FUCA1: variants seen among roughly 807,000 people sequenced by gnomAD.
FUCA1 encodes the protein tissue alpha-L-fucosidase.
In FUCA1, 52 loss-of-function variants were observed where a neutral mutation model predicts 56.8. The observed-to-expected ratio is 0.92, with a 90% CI of 0.73 to 1.15. FUCA1 has a LOEUF of 1.15. FUCA1 is among the 50% of genes most tolerant of loss of function. The probability of loss-of-function intolerance (pLI) is 0.00; values close to 1 mark genes in which losing one functional copy is unlikely to be tolerated. For missense variants in FUCA1, 568 were observed against 592.6 expected, an observed-to-expected ratio of 0.96 and a Z score of 0.43; for synonymous variants, 230 against 226.6, an observed-to-expected ratio of 1.02 and a Z score of -0.14.
At chr1:23,856,106 C>T (rs979697882) in intron 4 of FUCA1, among the ~76,000 whole-genome samples, 1 of 152,170 alleles carries the variant, frequency 6.6e-6, no homozygotes, top group Non-Finnish European at 1.5e-5. Flanking sequence ...GTAACTTTAC[C>T]TTTTAAGTTA....
In FUCA1 at chr1:23,863,134, C is replaced by T; in HGVS notation, c.662G>A (p.Ser221Asn). The T allele has an allele frequency of 6.2e-7, 1 of 1,613,764 alleles. No homozygotes were observed. Among genetic ancestry groups the T allele is most frequent in the Non-Finnish European group, 8.5e-7 (1 of 1,179,958 alleles). The change falls in exon 3 of 8, where the codon AGC becomes AAC. Residue 221 changes from serine (S) to asparagine (N), a missense_variant and splice_region_variant. Coordinates refer to ENST00000374479, the MANE Select transcript of FUCA1 (RefSeq NM_000147.5). The part of the protein sequence containing the change: ...TMPELYDLVN[S>N]YKPDLIWSDG... Reference sequence around the variant, plus strand: ...GGGCCAAAATATTTCAGTGTCTTACCTGTTAACAAGGTCGTACAGCTCTGG... The same window carrying T: ...GGGCCAAAATATTTCAGTGTCTTACTTGTTAACAAGGTCGTACAGCTCTGG...
At chr1:23,862,458 C>T (rs956793009) in intron 3 of FUCA1, among the ~76,000 whole-genome samples, 1 of 152,192 alleles carries the variant, frequency 6.6e-6, no homozygotes, top group Non-Finnish European at 1.5e-5. Context: ...TAAGCCACTG[C>T]GCCTGGCTAA....
intron 2 of FUCA1, among the ~76,000 whole-genome samples, chr1:23,864,789 C>T (rs1320467487): frequency 6.6e-6 from 1 of 151,748 alleles, no homozygotes; most frequent in East Asian, 1.9e-4. Context: ...ACTGCAACCT[C>T]CGCCTCCTGG....
At chr1:23,848,961 TTTAA>T (rs1639201933) in intron 5 of FUCA1, 122 bp from the exon 6 acceptor site, 1 of 864,886 alleles carries the variant, frequency 1.2e-6, no homozygotes, top group Non-Finnish European at 1.8e-6. Context: ...CCTCTGCTGT[TTTAA>T]TTTTTTTTTT....
rs1423083143 is a variant in FUCA1, at chr1:23,867,363, G to C, written c.389+535C>G. On this transcript the variant is annotated intron_variant, in intron 1 of 7. Coordinates refer to ENST00000374479, the MANE Select transcript of FUCA1 (RefSeq NM_000147.5). This position sits in a 1 kb window ranked among gnomAD's most constrained non-coding sequence, Gnocchi z 4.9. ...GGACACTTCCTACGTAAAAGGGATT[G>C]AGAGGAGCAAACGAATGACTATCTG... Among the ~76,000 whole-genome samples, 1 of 152,186 alleles carries C rather than the reference G, an allele frequency of 6.6e-6. No homozygotes were observed. The highest frequency in any genetic ancestry group is 1.5e-5 in the Non-Finnish European group (1 of 68,034).
At chr1:23,863,827 A>C (rs1263489099) in intron 2 of FUCA1, among the ~76,000 whole-genome samples, 1 of 152,164 alleles carries the variant, frequency 6.6e-6, no homozygotes, top group African/African-American at 2.4e-5. Flanking sequence ...AGTCTAGCAA[A>C]GGCGACAGAG....
At chr1:23,853,096 G>A (rs1489892129) in intron 5 of FUCA1, among the ~76,000 whole-genome samples, 7 of 128,688 alleles carry the variant, frequency 5.4e-5, no homozygotes, top group African/African-American at 1.2e-4. Context: ...GCCGCCCATC[G>A]TCTGAGATGT....
In FUCA1 at chr1:23,859,888, C is replaced by G; in HGVS notation, c.678G>C (p.Leu226=). Residue 226 remains leucine (L), a synonymous_variant, in exon 4 of 8, where the codon CTG becomes CTC. Transcript: ENST00000374479. ...ATTCCCACTCCCCATCAGACCAGAT[C>G]AGATCAGGTTTATAGCTGGAAGACA... ...YDLVNSYKPD[L]IWSDGEWECP... 6.2e-7 allele frequency: 1 copy of G among 1,610,336 alleles called. No individual in the cohort carries two copies. Among genetic ancestry groups the G allele is most frequent in the South Asian group, 1.1e-5 (1 of 90,990 alleles).
intron 5 of FUCA1, among the ~76,000 whole-genome samples, chr1:23,850,800 T>C (rs868541608): frequency 6.6e-6 from 1 of 152,130 alleles, no homozygotes; most frequent in Admixed American, 6.6e-5. Flanking sequence ...ATTTTTATTT[T>C]TTAAAATAGA....
intron 3 of FUCA1, among the ~76,000 whole-genome samples, chr1:23,862,316 C>A (rs1639526314): frequency 6.6e-6 from 1 of 152,194 alleles, no homozygotes; most frequent in Non-Finnish European, 1.5e-5. Flanking sequence ...CAGGTATGCA[C>A]CAGCATGCCT....
rs985260589 is a variant in FUCA1, at chr1:23,865,421, T to A, written c.524+70A>T. 5.6e-6 allele frequency: 9 copies of A among 1,597,472 alleles called. No homozygotes were observed. In the East Asian group the frequency reaches 2.0e-4, roughly 36 times the overall value. On this transcript the variant is annotated intron_variant, in intron 2 of 7. Transcript: ENST00000374479. ...TGCAAACCTAGAAAACACACGCAAG[T>A]AGAGGAGGTACAGAACTCTTGACAG...
At chr1:23,864,040 T>C (rs1361384602) in intron 2 of FUCA1, among the ~76,000 whole-genome samples, 1 of 152,032 alleles carries the variant, frequency 6.6e-6, no homozygotes, top group African/African-American at 2.4e-5. Context: ...TATAGGTTTA[T>C]CGTTTTATTT....
intron 6 of FUCA1, among the ~76,000 whole-genome samples, chr1:23,847,944 C>A (rs571411505): frequency 6.6e-6 from 1 of 152,094 alleles, no homozygotes; most frequent in African/African-American, 2.4e-5. Context: ...ATTGCTTGAA[C>A]CTTGGAGGCA....
rs1403594722 is a variant in FUCA1, at chr1:23,867,779, C to G, written c.389+119G>C. 7.0e-6 allele frequency: 10 copies of G among 1,429,070 alleles called. No individual in the cohort carries two copies. The highest frequency in any genetic ancestry group is 3.6e-6 in the Non-Finnish European group (4 of 1,100,876). The allele number at this position is 1,429,070 out of a possible 1,614,324, so 88.5% of individuals were successfully genotyped here. ...ACTCCTGTGGCCGCAGGAGGCCACA[C>G]GCGGGCCCCGGGGTCATGGGGGCGA... On this transcript the variant is annotated intron_variant, in intron 1 of 7. Coordinates refer to ENST00000374479, the MANE Select transcript of FUCA1 (RefSeq NM_000147.5). The surrounding 1 kb of genome is among the most constrained non-coding windows in gnomAD (Gnocchi z 4.9).
At chr1:23,857,684 T>C (rs1570682716) in intron 4 of FUCA1, among the ~76,000 whole-genome samples, 1 of 146,898 alleles carries the variant, frequency 6.8e-6, no homozygotes, top group African/African-American at 2.5e-5. Flanking sequence ...TTCTTTTTTT[T>C]TGAGACAGAG....
At chr1:23,862,191 C>T (rs1269835524) in intron 3 of FUCA1, among the ~76,000 whole-genome samples, 1 of 152,138 alleles carries the variant, frequency 6.6e-6, no homozygotes, top group Non-Finnish European at 1.5e-5. Context: ...TTTCTTGAGA[C>T]AAAGTTTTCC....
In FUCA1 at chr1:23,867,071, C is replaced by T. The variant is rs189479129; in HGVS notation, c.389+827G>A. ...TGCTCTAAGCCAGGGGCTGGGGAAACCTCCCCGCCTCCATTTTTACTCTTC... is the reference window on the plus strand; with the variant it reads ...TGCTCTAAGCCAGGGGCTGGGGAAATCTCCCCGCCTCCATTTTTACTCTTC... On this transcript the variant is annotated intron_variant, in intron 1 of 7. Transcript: ENST00000374479. This position sits in a 1 kb window ranked among gnomAD's most constrained non-coding sequence, Gnocchi z 4.9. Among the ~76,000 whole-genome samples, 38 of 152,226 alleles carry T rather than the reference C, an allele frequency of 2.5e-4. No homozygotes were observed. Among genetic ancestry groups the T allele is most frequent in the Admixed American group, 8.5e-4 (13 of 15,292 alleles).
At chr1:23,853,463 C>T (rs1432471621) in intron 5 of FUCA1, among the ~76,000 whole-genome samples, 1 of 150,950 alleles carries the variant, frequency 6.6e-6, no homozygotes, top group Admixed American at 6.6e-5. Flanking sequence ...CCCCGCCCAG[C>T]CAGCCGCCCG....
Position 23,868,018 on chromosome 1 carries a change from T to C in FUCA1, c.269A>G (p.Gln90Arg). 6.2e-7 allele frequency: 1 copy of C among 1,608,300 alleles called. No individual in the cohort carries two copies. The highest frequency in any genetic ancestry group is 1.1e-5 in the South Asian group (1 of 90,438). Residue 90 changes from glutamine (Q) to arginine (R), a missense_variant, in exon 1 of 8, where the codon CAG (glutamine) becomes CGG (arginine). Physicochemically the swap from Gln to Arg is conservative, Grantham distance 43 (BLOSUM62 1). Coordinates refer to ENST00000374479, the MANE Select transcript of FUCA1 (RefSeq NM_000147.5). ...HWQGEGRPQY[Q>R]RFMRDNYPPG... ...CGGGTAGTTGTCGCGCATGAAGCGC[T>C]GGTACTGCGGCCGCCCCTCGCCCTG... is the stretch of plus-strand genomic sequence containing the variant.
Sources: gnomAD v4.1 joint callset for allele counts (sites outside exome capture counted in the v4.1 genomes callset) on GRCh38, gnomAD v4.1.1 for gene constraint, Gnocchi (gnomAD v3.1) non-coding constraint, MANE v1.5 for transcripts, NCBI Gene and HGNC (gene_info 2026-07-23, HGNC 2026-07-21) for gene names.